The following GHR variants were observed in gnomAD, a reference collection of about 807,000 sequenced individuals.
The protein encoded by GHR is growth hormone receptor.
GHR carries 35 observed loss-of-function variants against 67.1 expected under a neutral mutation model. The ratio of observed to expected loss-of-function variants is 0.52; its 90% CI spans 0.40 to 0.69. The LOEUF is 0.69. GHR is among the 30% of genes least tolerant of loss of function. The probability of loss-of-function intolerance (pLI) is 0.00; values close to 1 mark genes in which losing one functional copy is unlikely to be tolerated. For missense variants in GHR, 792 were observed against 764.6 expected (o/e 1.04, Z -0.42); for synonymous variants, 272 against 269.1 (o/e 1.01, Z -0.10).
intron 1 of GHR, among the ~76,000 whole-genome samples, chr5:42,444,072 A>G (rs1381906215): frequency 6.6e-6 from 1 of 152,126 alleles, no homozygotes; most frequent in Non-Finnish European, 1.5e-5. Flanking sequence ...ATAATTAAAC[A>G]TTACACCTGG....
intron 1 of GHR, among the ~76,000 whole-genome samples, chr5:42,438,517 T>C (rs1743432794): frequency 2.6e-5 from 4 of 152,238 alleles, no homozygotes; most frequent in Admixed American, 2.6e-4. Flanking sequence ...AAGTGGCTCC[T>C]GTCTTGGTTG....
At chr5:42,526,998 A>C (rs1401272675) in intron 1 of GHR, among the ~76,000 whole-genome samples, 2 of 144,376 alleles carry the variant, frequency 1.4e-5, no homozygotes, top group African/African-American at 5.2e-5. Context: ...TTCCTATGTG[A>C]AGGAGAAAGA....
intron 1 of GHR, among the ~76,000 whole-genome samples, chr5:42,536,392 A>G (rs976655290): frequency 2.0e-5 from 3 of 152,096 alleles, no homozygotes; most frequent in Non-Finnish European, 1.5e-5. Flanking sequence ...GGATTTTGTC[A>G]AATGCTTTTT....
At chr5:42,588,127 G>C (rs545592388) in intron 2 of GHR, among the ~76,000 whole-genome samples, 17 of 152,176 alleles carry the variant, frequency 1.1e-4, no homozygotes, top group Admixed American at 1.1e-3. Context: ...TATGCCTTAA[G>C]TCAGATCATA....
chr5:42,471,095 G>A (rs367852413), intron 1 of GHR, among the ~76,000 whole-genome samples: 3 of 152,216 alleles, frequency 2.0e-5, no homozygotes, highest in African/African-American at 7.2e-5. Context: ...TCTTCAGCTG[G>A]GCCAGCACTA....
At position 42,695,396 on chromosome 5, in the gene GHR, G is replaced by A. The variant is rs539163386; in HGVS notation, c.439+307G>A. Among the ~76,000 whole-genome samples, 5 of 152,120 alleles carry A rather than the reference G, an allele frequency of 3.3e-5. No homozygotes were observed. The South Asian group carries it at 8.3e-4, about 25-fold the overall frequency. Reference sequence around the variant, plus strand: ...TGTGTTTTTATGTTCCACTGCAAAGGGTGAACTTAATATATTCTTAGGATT... The same window carrying A: ...TGTGTTTTTATGTTCCACTGCAAAGAGTGAACTTAATATATTCTTAGGATT... On this transcript the variant is annotated intron_variant, in intron 5 of 9. Coordinates refer to ENST00000230882, the MANE Select transcript of GHR (RefSeq NM_000163.5).
chr5:42,583,055 G>A (rs753426175), intron 2 of GHR, among the ~76,000 whole-genome samples: 3 of 152,314 alleles, frequency 2.0e-5, no homozygotes, highest in Non-Finnish European at 4.4e-5. Context: ...CATTGGGCCC[G>A]AGCAAAACTT....
At chr5:42,461,154 C>G (rs990751765) in intron 1 of GHR, among the ~76,000 whole-genome samples, 1 of 152,128 alleles carries the variant, frequency 6.6e-6, no homozygotes, top group Admixed American at 6.5e-5. Flanking sequence ...AATGTGGGTC[C>G]TAGCAAAGGA....
intron 1 of GHR, among the ~76,000 whole-genome samples, chr5:42,485,212 C>A (rs1745824514): frequency 2.6e-5 from 4 of 152,204 alleles, no homozygotes. Context: ...TATTTCCATT[C>A]CCTAAGTTTG....
At chr5:42,553,423 GCCCCCTTCCAGCAACAAGATTCTATGTA>G (rs1433435352) in intron 1 of GHR, among the ~76,000 whole-genome samples, 2 of 152,020 alleles carry the variant, frequency 1.3e-5, no homozygotes, top group South Asian at 2.1e-4. Context: ...GTTTCTGTGT[GCCCCCTTCCAGCAACAAGATTCTATGTA>G]CCCCCTTCCA....
intron 1 of GHR, among the ~76,000 whole-genome samples, chr5:42,475,668 T>A (rs1016454791): frequency 6.6e-6 from 1 of 151,050 alleles, no homozygotes; most frequent in African/African-American, 2.4e-5. Context: ...TTCCACTGGG[T>A]GTAGGAATGG....
At chr5:42,637,182 C>G (rs974465815) in intron 3 of GHR, among the ~76,000 whole-genome samples, 15 of 152,086 alleles carry the variant, frequency 9.9e-5, no homozygotes, top group Middle Eastern at 3.2e-3. Flanking sequence ...TTTAGGGCTA[C>G]AGTGGCAGAG....
At chr5:42,704,479 A>T (rs1391193300) in intron 6 of GHR, among the ~76,000 whole-genome samples, 1 of 151,996 alleles carries the variant, frequency 6.6e-6, no homozygotes, top group East Asian at 1.9e-4. Context: ...AGATTTTTAC[A>T]TCTGTATTTA....
chr5:42,545,300 A>G (rs1748688543), intron 1 of GHR, among the ~76,000 whole-genome samples: 1 of 152,184 alleles, frequency 6.6e-6, no homozygotes, highest in South Asian at 2.1e-4. Context: ...TAAAAGCTGC[A>G]TTTCCTAGAA....
chr5:42,615,390 T>C (rs1027901701), intron 2 of GHR, among the ~76,000 whole-genome samples: 1 of 152,138 alleles, frequency 6.6e-6, no homozygotes, highest in Non-Finnish European at 1.5e-5. Flanking sequence ...ATCTGTTCTG[T>C]TGTTAGTTTT....
At chr5:42,492,410 G>C (rs1316736382) in intron 1 of GHR, among the ~76,000 whole-genome samples, 1 of 152,144 alleles carries the variant, frequency 6.6e-6, no homozygotes, top group South Asian at 2.1e-4. Flanking sequence ...ACCTTATGGG[G>C]TCTGTTTTCA....
At chr5:42,438,974 T>A (rs1265931516) in intron 1 of GHR, among the ~76,000 whole-genome samples, 1 of 152,216 alleles carries the variant, frequency 6.6e-6, no homozygotes, top group Admixed American at 6.5e-5. Context: ...AGCCTAACAC[T>A]GTCCTGGTCA....
intron 2 of GHR, among the ~76,000 whole-genome samples, chr5:42,623,973 ATGAC>A (rs1280987648): frequency 1.3e-5 from 2 of 152,148 alleles, no homozygotes; most frequent in African/African-American, 4.8e-5. Flanking sequence ...ATTAAAATTG[ATGAC>A]TGAGAATGAC....
Position 42,636,894 on chromosome 5 carries a change from G to A in GHR, c.136+7791G>A, listed in dbSNP as rs140801237. Among the ~76,000 whole-genome samples the A allele has an allele frequency of 7.8e-3, 1,193 of 152,224 alleles. 19 individuals are homozygous for A. The highest frequency in any genetic ancestry group is 0.028 in the African/African-American group (1,155 of 41,510). On this transcript the variant is annotated intron_variant, in intron 3 of 9. Transcript: ENST00000230882. ...TATATATTTAAGCCAAAAATAACAA[G>A]AGGTGATCATTTGCTAAACAAAGAA...
Sources: allele counts gnomAD v4.1 joint callset (sites outside exome capture counted in the v4.1 genomes callset), GRCh38; gene constraint gnomAD v4.1.1; transcripts MANE v1.5; gene names NCBI Gene and HGNC (gene_info 2026-07-23, HGNC 2026-07-21).